The following CD226 variants were observed in gnomAD, a reference collection of about 807,000 sequenced individuals.
The protein encoded by CD226 is CD226 antigen.
CD226 carries 24 observed loss-of-function variants against 34.9 expected under a neutral mutation model. The observed-to-expected ratio is 0.69, with a 90% confidence interval of 0.50 to 0.97. The LOEUF (loss-of-function observed/expected upper bound fraction) is 0.97, where lower values mean the gene tolerates loss of function less well. Ranked by LOEUF, CD226 falls within the 50% of genes least tolerant of loss-of-function variation. CD226 has a pLI of 0.00. For missense variants in CD226, 397 were observed against 412.7 expected (o/e 0.96, Z 0.33); for synonymous variants, 148 against 147.4 (o/e 1.00, Z -0.03).
intron 3 of CD226, among the ~76,000 whole-genome samples, chr18:69,873,606 T>C (rs1226568845): frequency 2.0e-5 from 3 of 151,108 alleles, no homozygotes; most frequent in Admixed American, 1.3e-4. Flanking sequence ...AGGCCAGGTG[T>C]AGTGGCTCAG....
chr18:69,865,366 A>C (rs1386829546), intron 5 of CD226, among the ~76,000 whole-genome samples: 1 of 152,224 alleles, frequency 6.6e-6, no homozygotes, highest in Non-Finnish European at 1.5e-5. Context: ...ATCTTTTAAA[A>C]AAGAGAATGA....
At chr18:69,952,292 G>C (rs968139644), upstream of CD226, among the ~76,000 whole-genome samples, 15 of 152,146 alleles carry the variant, frequency 9.9e-5, no homozygotes, top group African/African-American at 3.1e-4. Context: ...GAGTAGAAAG[G>C]GGTGAGGGAT....
At chr18:69,949,949 C>A (rs1488814781), upstream of CD226, among the ~76,000 whole-genome samples, 2 of 152,138 alleles carry the variant, frequency 1.3e-5, no homozygotes, top group East Asian at 3.9e-4. Flanking sequence ...CACACGCATG[C>A]ACTTACACAT....
chr18:69,944,381 GCT>G (rs1172978932), intron 2 of CD226: 2 of 152,164 alleles, frequency 1.3e-5, no homozygotes, highest in African/African-American at 4.8e-5. Flanking sequence ...GAAGGTGACA[GCT>G]CTCTTTTCCT....
chr18:69,890,857 A>C (rs1489458708), intron 3 of CD226, among the ~76,000 whole-genome samples: 1 of 152,170 alleles, frequency 6.6e-6, no homozygotes, highest in African/African-American at 2.4e-5. Context: ...AATTCTATCA[A>C]ACATTCTAGG....
intron 2 of CD226, among the ~76,000 whole-genome samples, chr18:69,923,287 C>T (rs1373592328): frequency 6.6e-6 from 1 of 152,070 alleles, no homozygotes; most frequent in Non-Finnish European, 1.5e-5. Flanking sequence ...AATAGCAAAA[C>T]ATGGCATCAT....
At chr18:69,922,134 G>A (rs972615531) in intron 2 of CD226, among the ~76,000 whole-genome samples, 8 of 152,122 alleles carry the variant, frequency 5.3e-5, no homozygotes, top group Admixed American at 6.6e-5. Flanking sequence ...CATCAGAAAT[G>A]TGGCAAATGT....
chr18:69,900,204 C>A (rs1367515334), intron 2 of CD226, among the ~76,000 whole-genome samples: 1 of 152,148 alleles, frequency 6.6e-6, no homozygotes, highest in Non-Finnish European at 1.5e-5. Flanking sequence ...ACCACATGTT[C>A]TCACTTTCAA....
At chr18:69,939,793 T>C (rs79295469) in intron 2 of CD226, among the ~76,000 whole-genome samples, 4,563 of 152,274 alleles carry the variant, frequency 0.03, 247 homozygotes, top group African/African-American at 0.1. Context: ...TAGGTGAGCC[T>C]AATTCAACAA....
intron 3 of CD226, among the ~76,000 whole-genome samples, chr18:69,883,153 G>A (rs898645901): frequency 6.6e-5 from 10 of 152,174 alleles, no homozygotes; most frequent in Non-Finnish European, 8.8e-5. Context: ...TTCTCTGCTT[G>A]GATAAGCATA....
chr18:69,908,799 C>T lies in CD226; in HGVS notation c.383-12754G>A, dbSNP rs183868575. 2.1e-4 allele frequency among the ~76,000 whole-genome samples: 32 copies of T among 152,340 alleles called. No individual in the cohort carries two copies. In the East Asian group the frequency reaches 5.0e-3, roughly 24 times the overall value. ...CCTTTGTCTCCATTCTCATCTCCTA[C>T]TAGAATCTGCCATATACTCCAGTTT... On this transcript the variant is annotated intron_variant, in intron 2 of 5. Coordinates refer to ENST00000582621, the MANE Select transcript of CD226 (RefSeq NM_001303618.2).
At chr18:69,961,036 G>A (rs1262351460), upstream of CD226, among the ~76,000 whole-genome samples, 2 of 152,144 alleles carry the variant, frequency 1.3e-5, no homozygotes, top group Non-Finnish European at 2.9e-5. Flanking sequence ...GATCCACCTA[G>A]AGAACATGGT....
intron 3 of CD226, among the ~76,000 whole-genome samples, chr18:69,885,167 G>C (rs188260362): frequency 3.3e-5 from 5 of 152,074 alleles, no homozygotes; most frequent in Non-Finnish European, 5.9e-5. Context: ...TAAACAACCT[G>C]GTGTCTGCAG....
chr18:69,937,628 A>T (rs746830575), intron 2 of CD226, among the ~76,000 whole-genome samples: 15 of 152,170 alleles, frequency 9.9e-5, no homozygotes, highest in Non-Finnish European at 1.8e-4. Flanking sequence ...TACATTGTAG[A>T]TTCTCAGGAA....
chr18:69,942,121 T>A (rs1395859581), intron 2 of CD226, among the ~76,000 whole-genome samples: 1 of 152,170 alleles, frequency 6.6e-6, no homozygotes, highest in Admixed American at 6.5e-5. Flanking sequence ...TCCCCAGCCA[T>A]ACTGAACTGT....
upstream of CD226, chr18:69,961,677 C>A (rs1267520095): frequency 6.6e-6 from 1 of 152,182 alleles, no homozygotes; most frequent in African/African-American, 2.4e-5. Context: ...TGTTTTTAGT[C>A]CCCCTCTCTT....
intron 1 of CD226, among the ~76,000 whole-genome samples, chr18:69,955,967 A>G (rs2055894294): frequency 6.6e-6 from 1 of 151,896 alleles, no homozygotes; most frequent in African/African-American, 2.4e-5. Context: ...TGTGGGCCAC[A>G]TGGTCTCCTC....
Position 69,854,394 on chromosome 18 carries a change from G to A in CD226, c.*9920C>T, listed in dbSNP as rs1982555551. 1 of 152,240 alleles carries A rather than the reference G, an allele frequency of 6.6e-6. No individual in the cohort carries two copies. Among genetic ancestry groups the A allele is most frequent in the Non-Finnish European group, 1.5e-5 (1 of 68,078 alleles). 9.4% of individuals were successfully genotyped at this position (152,240 alleles called of 1,614,324 possible). ...GGACTGGTGTGAGCAAGAAACCCAT[G>A]GGGGCTGTGCTCTTGAGGCACTCCA... On this transcript the variant is annotated 3_prime_UTR_variant, in exon 6 of 6. Coordinates refer to ENST00000582621, the MANE Select transcript of CD226 (RefSeq NM_001303618.2).
chr18:69,886,472 G>A (rs775971970), intron 3 of CD226, among the ~76,000 whole-genome samples: 8 of 152,138 alleles, frequency 5.3e-5, no homozygotes, highest in Admixed American at 2.6e-4. Flanking sequence ...TTGGAAGGCC[G>A]AGGTGGGTGG....
Sources: allele counts gnomAD v4.1 joint callset (sites outside exome capture counted in the v4.1 genomes callset), GRCh38; gene constraint gnomAD v4.1.1; transcripts MANE v1.5; gene names NCBI Gene and HGNC (gene_info 2026-07-23, HGNC 2026-07-21).